ADGRB3: variants seen among roughly 807,000 people sequenced by gnomAD.
ADGRB3 encodes adhesion G protein-coupled receptor B3.
In ADGRB3, 37 loss-of-function variants were observed where a neutral mutation model predicts 193.4. The ratio of observed to expected loss-of-function variants is 0.19; its 90% CI spans 0.15 to 0.25. ADGRB3 has a LOEUF of 0.25. Among genes scored for constraint, ADGRB3 ranks in the 10% least tolerant of loss-of-function variants. The pLI is 1.00. For missense variants in ADGRB3, 1,637 were observed against 1,852.9 expected (o/e 0.88, Z 2.14); for synonymous variants, 690 against 644.2 (o/e 1.07, Z -1.08).
intron 3 of ADGRB3, among the ~76,000 whole-genome samples, chr6:68,669,902 TC>T (rs1768903701): frequency 6.6e-6 from 1 of 151,990 alleles, no homozygotes; most frequent in South Asian, 2.1e-4. Context: ...GTATGAGACT[TC>T]CATTTCCTCC....
At chr6:68,941,021 G>A (rs781137033) in intron 5 of ADGRB3, among the ~76,000 whole-genome samples, 1 of 151,808 alleles carries the variant, frequency 6.6e-6, no homozygotes, top group Non-Finnish European at 1.5e-5. Flanking sequence ...TCTTCATTTC[G>A]TCTCTAGTTA....
chr6:68,817,818 A>T (rs967334575), intron 3 of ADGRB3, among the ~76,000 whole-genome samples: 1 of 152,052 alleles, frequency 6.6e-6, no homozygotes, highest in Non-Finnish European at 1.5e-5. Context: ...GAAAACTTGT[A>T]TGGTAGAATT....
rs527253555 is a variant in ADGRB3, at chr6:68,959,918, G to A, written c.1525+3109G>A. ...TCCTCAGGCTTTGAAGGTTAAAATG[G>A]TAGGATGGTAATAGCTCCCCTAATT... On this transcript the variant is annotated intron_variant, in intron 8 of 31. Coordinates refer to ENST00000370598, the MANE Select transcript of ADGRB3 (RefSeq NM_001704.3). Among the ~76,000 whole-genome samples the A allele has an allele frequency of 6.0e-4, 91 of 152,190 alleles. 1 individual carries two copies. Among genetic ancestry groups the A allele is most frequent in the Non-Finnish European group, 7.5e-4 (51 of 67,990 alleles).
chr6:68,939,348 G>A (rs975498903), intron 5 of ADGRB3, among the ~76,000 whole-genome samples: 1 of 151,986 alleles, frequency 6.6e-6, no homozygotes, highest in Admixed American at 6.6e-5. Context: ...TGGAACACTA[G>A]GCATAAGTGA....
intron 17 of ADGRB3, among the ~76,000 whole-genome samples, chr6:69,209,694 G>T (rs1333560291): frequency 6.6e-6 from 1 of 152,174 alleles, no homozygotes; most frequent in East Asian, 1.9e-4. Context: ...AATTGCTTCT[G>T]GTGGGCCTTA....
chr6:69,261,564 C>A (rs1233514670), intron 20 of ADGRB3, among the ~76,000 whole-genome samples: 2 of 151,856 alleles, frequency 1.3e-5, no homozygotes, highest in Non-Finnish European at 1.5e-5. Flanking sequence ...ATTTTTTATA[C>A]TTTTTTTCAA....
intron 3 of ADGRB3, among the ~76,000 whole-genome samples, chr6:68,831,197 G>T (rs1470988553): frequency 1.3e-5 from 2 of 151,256 alleles, no homozygotes; most frequent in Admixed American, 1.3e-4. Flanking sequence ...AAAAAACGTG[G>T]TGATGAACTA....
At chr6:69,206,028 T>C (rs1370889445) in intron 17 of ADGRB3, among the ~76,000 whole-genome samples, 2 of 106,176 alleles carry the variant, frequency 1.9e-5, no homozygotes, top group African/African-American at 7.2e-5. Flanking sequence ...AGAGAGAGAA[T>C]AATATATATA....
At chr6:69,028,657 C>G (rs1770512733) in intron 13 of ADGRB3, among the ~76,000 whole-genome samples, 1 of 152,118 alleles carries the variant, frequency 6.6e-6, no homozygotes, top group Non-Finnish European at 1.5e-5. Context: ...CATGGTGTCA[C>G]TATTAAATAA....
At chr6:68,776,356 C>T (rs1159967793) in intron 3 of ADGRB3, among the ~76,000 whole-genome samples, 1 of 152,104 alleles carries the variant, frequency 6.6e-6, no homozygotes, top group Non-Finnish European at 1.5e-5. Flanking sequence ...TGATGATTCT[C>T]AGAAATAGAA....
chr6:68,939,161 G>A (rs1009978181), intron 5 of ADGRB3, among the ~76,000 whole-genome samples: 5 of 152,100 alleles, frequency 3.3e-5, no homozygotes, highest in Admixed American at 6.6e-5. Context: ...ATCCACCTTT[G>A]CACTGTGTCC....
At chr6:69,182,779 G>A (rs1582525690) in intron 17 of ADGRB3, among the ~76,000 whole-genome samples, 1 of 112,154 alleles carries the variant, frequency 8.9e-6, no homozygotes, top group Non-Finnish European at 2.1e-5. Flanking sequence ...TGTAGCATTT[G>A]TCAATTTCCA....
intron 17 of ADGRB3, among the ~76,000 whole-genome samples, chr6:69,157,256 A>G (rs1038414767): frequency 2.0e-5 from 3 of 152,196 alleles, no homozygotes; most frequent in Non-Finnish European, 4.4e-5. Flanking sequence ...TAGTTATTTA[A>G]AAAATAAAAC....
chr6:68,933,802 G>A (rs1308226074), intron 4 of ADGRB3, among the ~76,000 whole-genome samples: 3 of 152,008 alleles, frequency 2.0e-5, no homozygotes, highest in Non-Finnish European at 4.4e-5. Flanking sequence ...ACTTTCTCAA[G>A]GTCACAGAGC....
chr6:68,819,411 T>C (rs1767705378), intron 3 of ADGRB3, among the ~76,000 whole-genome samples: 1 of 152,020 alleles, frequency 6.6e-6, no homozygotes, highest in African/African-American at 2.4e-5. Flanking sequence ...CTGTGTCTTC[T>C]TTATTAGCCT....
intron 3 of ADGRB3, among the ~76,000 whole-genome samples, chr6:68,846,005 A>G (rs1768267329): frequency 6.6e-6 from 1 of 152,134 alleles, no homozygotes; most frequent in Non-Finnish European, 1.5e-5. Context: ...AATGCTGATA[A>G]TGATATGAAA....
chr6:68,746,649 C>T (rs1232103545), intron 3 of ADGRB3, among the ~76,000 whole-genome samples: 1 of 151,860 alleles, frequency 6.6e-6, no homozygotes, highest in Admixed American at 6.6e-5. Context: ...CTAATAGGGC[C>T]TTTTCTTATT....
At chr6:69,312,912 T>C (rs1467771389) in intron 20 of ADGRB3, among the ~76,000 whole-genome samples, 1 of 151,804 alleles carries the variant, frequency 6.6e-6, no homozygotes, top group African/African-American at 2.4e-5. Flanking sequence ...TATGTATGAA[T>C]TGTTATTGTT....
At chr6:68,775,776 C>G (rs1466413765) in intron 3 of ADGRB3, among the ~76,000 whole-genome samples, 1 of 152,088 alleles carries the variant, frequency 6.6e-6, no homozygotes, top group Non-Finnish European at 1.5e-5. Context: ...AGAAATTTCC[C>G]CTCTTCTCCT....
Sources: gnomAD v4.1 joint callset for allele counts (sites outside exome capture counted in the v4.1 genomes callset) on GRCh38, gnomAD v4.1.1 for gene constraint, MANE v1.5 for transcripts, NCBI Gene and HGNC (gene_info 2026-07-23, HGNC 2026-07-21) for gene names.